CLVS1: variants seen among roughly 807,000 people sequenced by gnomAD.
The protein encoded by CLVS1 is clavesin-1.
In CLVS1, 10 loss-of-function variants were observed where a neutral mutation model predicts 33.1. The ratio of observed to expected loss-of-function variants is 0.30; its 90% CI spans 0.19 to 0.51. The LOEUF (loss-of-function observed/expected upper bound fraction) is 0.51. CLVS1 is among the 20% of genes least tolerant of loss of function. The pLI is 0.97. For missense variants in CLVS1, 343 were observed against 433.4 expected (o/e 0.79, Z 1.85); for synonymous variants, 163 against 166.1 (o/e 0.98, Z 0.14).
chr8:61,192,044 A>C (rs1807495431), intron 2 of CLVS1, among the ~76,000 whole-genome samples: 1 of 152,222 alleles, frequency 6.6e-6, no homozygotes. Flanking sequence ...TTCATATGGA[A>C]CCAAAAAAGA....
chr8:60,975,943 A>C, the CLVS1 span, among the ~76,000 whole-genome samples: 355 of 152,338 alleles, frequency 2.3e-3, 1 homozygote, highest in African/African-American at 8.4e-3. Flanking sequence ...AGCTAAGTGA[A>C]GAGTACATAC....
At chr8:61,471,339 G>A (rs561995635) in intron 5 of CLVS1, among the ~76,000 whole-genome samples, 4 of 152,196 alleles carry the variant, frequency 2.6e-5, no homozygotes, top group African/African-American at 4.8e-5. Flanking sequence ...CCTTCCCAGC[G>A]TTGTGTAGAA....
intron 2 of CLVS1, among the ~76,000 whole-genome samples, chr8:61,352,109 G>A (rs1812496026): frequency 6.6e-6 from 1 of 151,938 alleles, no homozygotes; most frequent in Non-Finnish European, 1.5e-5. Context: ...TGCTATTCAA[G>A]ACAGTGATAT....
intron 2 of CLVS1, among the ~76,000 whole-genome samples, chr8:61,217,861 C>T (rs1247118869): frequency 1.3e-5 from 2 of 152,104 alleles, no homozygotes; most frequent in Non-Finnish European, 2.9e-5. Flanking sequence ...CAATGTTTCT[C>T]AAAAGAAGAC....
rs1215780353 is a variant in CLVS1, at chr8:61,466,926, G to A, written c.977+8384G>A. 2.0e-5 allele frequency among the ~76,000 whole-genome samples: 3 copies of A among 152,184 alleles called. No individual in the cohort carries two copies. The East Asian group carries it at 5.8e-4, about 29-fold the overall frequency. On this transcript the variant is annotated intron_variant, in intron 5 of 5. Transcript: ENST00000325897. ...AGCCTCCTAAAGTGCTGGGATTATA[G>A]GTGTGAGCCACCGCACCTGGCCTAT...
the CLVS1 span, among the ~76,000 whole-genome samples, chr8:60,998,862 G>C: frequency 6.6e-6 from 1 of 152,176 alleles, no homozygotes; most frequent in African/African-American, 2.4e-5. Context: ...GACTCTGTCT[G>C]CTGGGATTTT....
the CLVS1 span, among the ~76,000 whole-genome samples, chr8:61,035,187 C>CTTTTTTTTTTTTT: frequency 4.6e-5 from 6 of 129,408 alleles, no homozygotes; most frequent in Non-Finnish European, 8.0e-5. Context: ...TTTCTTTTTT[C>CTTTTTTTTTTTTT]TTTTTTTTTT....
chr8:60,969,363 A>G, the CLVS1 span, among the ~76,000 whole-genome samples: 1 of 152,030 alleles, frequency 6.6e-6, no homozygotes. Flanking sequence ...GACATAGTAT[A>G]CTCTTTAAGT....
At chr8:61,084,498 G>T (rs920089938) in intron 1 of CLVS1, among the ~76,000 whole-genome samples, 2 of 152,200 alleles carry the variant, frequency 1.3e-5, no homozygotes, top group Admixed American at 6.5e-5. Context: ...GTGAGTAGAA[G>T]CCAGAGATGC....
At chr8:61,233,000 A>C (rs1808478758) in intron 2 of CLVS1, among the ~76,000 whole-genome samples, 2 of 152,344 alleles carry the variant, frequency 1.3e-5, no homozygotes, top group South Asian at 4.1e-4. Context: ...AGAGGGTAAA[A>C]TATGTTTTTT....
chr8:61,237,866 G>A (rs1808601736), intron 2 of CLVS1, among the ~76,000 whole-genome samples: 1 of 150,936 alleles, frequency 6.6e-6, no homozygotes, highest in Admixed American at 6.7e-5. Flanking sequence ...GATGTGTGGT[G>A]GGCTTTCTGC....
At chr8:61,417,855 A>G (rs1815502578) in intron 3 of CLVS1, among the ~76,000 whole-genome samples, 1 of 152,216 alleles carries the variant, frequency 6.6e-6, no homozygotes, top group Non-Finnish European at 1.5e-5. Flanking sequence ...AGGGTTATAA[A>G]GACCTTGGTG....
chr8:61,293,361 C>G (rs1810064836), intron 1 of CLVS1, among the ~76,000 whole-genome samples: 1 of 152,124 alleles, frequency 6.6e-6, no homozygotes, highest in South Asian at 2.1e-4. Context: ...GTTCCTTAGC[C>G]AGTACTCATG....
intron 2 of CLVS1, among the ~76,000 whole-genome samples, chr8:61,273,724 G>A (rs181562296): frequency 1.3e-5 from 2 of 152,222 alleles, no homozygotes; most frequent in African/African-American, 2.4e-5. Context: ...TCAGAAAAGC[G>A]CAGTATTCGG....
chr8:61,452,502 G>A (rs1467108252), intron 3 of CLVS1, among the ~76,000 whole-genome samples: 1 of 152,170 alleles, frequency 6.6e-6, no homozygotes, highest in Non-Finnish European at 1.5e-5. Context: ...TGATGATAGT[G>A]AATAGCGCTT....
chr8:61,160,673 A>G (rs966770235), intron 2 of CLVS1, among the ~76,000 whole-genome samples: 9 of 152,294 alleles, frequency 5.9e-5, no homozygotes, highest in African/African-American at 1.9e-4. Context: ...ACAGAAATAA[A>G]TGACTTTTTT....
intron 2 of CLVS1, among the ~76,000 whole-genome samples, chr8:61,237,751 A>C (rs7834568): frequency 0.62 from 94,138 of 152,040 alleles, 31,261 homozygotes; most frequent in East Asian, 0.96. Flanking sequence ...AGGCCTGTGT[A>C]CTACCTATGA....
At chr8:61,045,517 C>A in the CLVS1 span, among the ~76,000 whole-genome samples, 1 of 152,180 alleles carries the variant, frequency 6.6e-6, no homozygotes. Context: ...AGTGGAAAAG[C>A]CTCCTAAAGA....
At chr8:61,018,780 G>A in the CLVS1 span, among the ~76,000 whole-genome samples, 1 of 152,198 alleles carries the variant, frequency 6.6e-6, no homozygotes. Context: ...CTAACTCAGT[G>A]GAAAAGGGGT....
Sources: gnomAD v4.1 joint callset for allele counts (sites outside exome capture counted in the v4.1 genomes callset) on GRCh38, gnomAD v4.1.1 for gene constraint, MANE v1.5 for transcripts, NCBI Gene and HGNC (gene_info 2026-07-23, HGNC 2026-07-21) for gene names.